The following MLPH variants were observed in gnomAD, a reference collection of about 807,000 sequenced individuals.
The protein encoded by MLPH is melanophilin.
MLPH carries 51 observed loss-of-function variants against 72.1 expected under a neutral mutation model. The ratio of observed to expected loss-of-function variants is 0.71; its 90% CI spans 0.56 to 0.89. The LOEUF (loss-of-function observed/expected upper bound fraction) is 0.89. Ranked by LOEUF, MLPH falls within the 40% of genes least tolerant of loss-of-function variation. The pLI is 0.00. For missense variants in MLPH, 743 were observed against 759.9 expected (o/e 0.98, Z 0.26); for synonymous variants, 301 against 310.1 (o/e 0.97, Z 0.31).
At chr2:237,553,051 G>T (rs1311904515) in intron 15 of MLPH, 1 of 463,884 alleles carries the variant, frequency 2.2e-6, no homozygotes, top group Non-Finnish European at 4.5e-6. Context: ...GAGTTTAAGT[G>T]CCCTCCAGAG....
In MLPH at chr2:237,510,151, C is replaced by T. The variant is rs940713176; in HGVS notation, c.111-423C>T. 21 of 297,704 alleles carry T rather than the reference C, an allele frequency of 7.1e-5. No individual in the cohort carries two copies. Among genetic ancestry groups the T allele is most frequent in the Admixed American group, 2.4e-4 (5 of 21,146 alleles). 18.4% of individuals were successfully genotyped at this position (297,704 alleles called of 1,614,324 possible). A position where few individuals can be genotyped will look rare whatever the true frequency, so the allele number is the denominator to read the frequency against. On this transcript the variant is annotated intron_variant, in intron 2 of 15. Coordinates refer to ENST00000264605, the MANE Select transcript of MLPH (RefSeq NM_024101.7). This position sits in a 1 kb window ranked among gnomAD's most constrained non-coding sequence, Gnocchi z 4.4. ...GCGCTCTAGAGGAGCAAACCTGGGG[C>T]GTTAGCTCAACTCTTGCCCCCCTGC...
intron 1 of MLPH, among the ~76,000 whole-genome samples, chr2:237,491,333 G>C (rs2079424934): frequency 6.6e-6 from 1 of 152,172 alleles, no homozygotes; most frequent in South Asian, 2.1e-4. Flanking sequence ...GAAATTACGA[G>C]GTGGTTTTTA....
intron 7 of MLPH, 124 bp downstream of exon 7, chr2:237,525,929 CG>C: frequency 1.0e-6 from 1 of 969,148 alleles, no homozygotes; most frequent in Non-Finnish European, 1.6e-6. Context: ...CTTCCTTTGG[CG>C]TGATTGTCCG....
intron 6 of MLPH, among the ~76,000 whole-genome samples, chr2:237,525,191 A>G (rs1422108606): frequency 1.3e-5 from 2 of 152,186 alleles, no homozygotes; most frequent in East Asian, 1.9e-4. Context: ...ATCTTCAAAG[A>G]TTAAGGTGTA....
In MLPH at chr2:237,519,805, C is replaced by T. The variant is rs111245414; in HGVS notation, c.556-105C>T. 9.2e-4 allele frequency: 1,421 copies of T among 1,540,226 alleles called. 15 individuals carry two copies. In the African/African-American group the frequency reaches 0.017, roughly 19 times the overall value. ...GATGTGCTGGGAGAGGAGCCTGCCCCGCCCCTCTGGGGGCTGAGTGTGGGG... is the reference window on the plus strand; with the variant it reads ...GATGTGCTGGGAGAGGAGCCTGCCCTGCCCCTCTGGGGGCTGAGTGTGGGG... On this transcript the variant is annotated intron_variant, in intron 5 of 15. Coordinates refer to ENST00000264605, the MANE Select transcript of MLPH (RefSeq NM_024101.7).
At position 237,512,920 on chromosome 2, in the gene MLPH, G is replaced by A. The variant is rs540899165; in HGVS notation, c.445+1819G>A. ...CTGACTTCAAAATCATCACCACCAAGGGGCCAGGAGGTGGCGCTGTGGGGC... is the reference window on the plus strand; with the variant it reads ...CTGACTTCAAAATCATCACCACCAAAGGGCCAGGAGGTGGCGCTGTGGGGC... On this transcript the variant is annotated intron_variant, in intron 4 of 15. Transcript: ENST00000264605. The surrounding 1 kb of genome is among the most constrained non-coding windows in gnomAD (Gnocchi z 5.5). Among the ~76,000 whole-genome samples, 2 of 143,728 alleles carry A rather than the reference G, an allele frequency of 1.4e-5. No individual in the cohort carries two copies. The highest frequency in any genetic ancestry group is 4.1e-4 in the East Asian group (2 of 4,936). The allele number at this position is 143,728 out of a possible 152,430, so 94.3% of individuals were successfully genotyped here. A position where few individuals can be genotyped will look rare whatever the true frequency, so the allele number is the denominator to read the frequency against.
intron 4 of MLPH, among the ~76,000 whole-genome samples, chr2:237,516,383 G>A (rs575762565): frequency 6.6e-6 from 1 of 152,190 alleles, no homozygotes; most frequent in East Asian, 1.9e-4. Flanking sequence ...AAGGAGCCCT[G>A]GGGGGCAGAG....
chr2:237,492,949 G>A (rs754581016), intron 1 of MLPH, among the ~76,000 whole-genome samples: 4 of 152,232 alleles, frequency 2.6e-5, no homozygotes, highest in Non-Finnish European at 5.9e-5. Flanking sequence ...GAGACTCTGA[G>A]CTGACTATGA....
At chr2:237,540,322 C>A (rs745568343) in intron 9 of MLPH, 26 bp from the exon 10 acceptor site, 1 of 1,612,548 alleles carries the variant, frequency 6.2e-7, no homozygotes, top group Non-Finnish European at 8.5e-7. Context: ...CTAGCCGAAT[C>A]CAAATCCACT....
In MLPH at chr2:237,534,565, T is replaced by C; in HGVS notation, c.1022T>C (p.Ile341Thr). 6.2e-7 allele frequency: 1 copy of C among 1,613,222 alleles called. No homozygotes were observed. The highest frequency in any genetic ancestry group is 8.5e-7 in the Non-Finnish European group (1 of 1,179,396). Reference sequence around the variant, plus strand: ...ACTGTTTCTCTCCTTCTGCTGCAGATCTTTGAGCTGAATAAGCATATTTCA... The same window carrying C: ...ACTGTTTCTCTCCTTCTGCTGCAGACCTTTGAGCTGAATAAGCATATTTCA... ...RRGRASSESQ[I>T]FELNKHISAV... The change falls in exon 9 of 16, where the codon ATC (isoleucine) becomes ACC (threonine). Residue 341 changes from isoleucine (I) to threonine (T), a missense_variant and splice_region_variant. Ile to Thr is a moderately conservative substitution (Grantham distance 89, BLOSUM62 -1). Transcript: ENST00000264605.
At chr2:237,497,661 G>A (rs1409324444) in intron 2 of MLPH, among the ~76,000 whole-genome samples, 4 of 152,036 alleles carry the variant, frequency 2.6e-5, no homozygotes, top group Non-Finnish European at 4.4e-5. Context: ...AGGAGCTGGC[G>A]AAAATACCAG....
intron 14 of MLPH, 50 bp downstream of exon 14, chr2:237,549,328 G>A (rs370376203): frequency 6.0e-5 from 91 of 1,527,594 alleles, no homozygotes; most frequent in East Asian, 9.0e-5. Context: ...AATGAGCTTC[G>A]GGGAGGAAAA....
rs1350421490 is a variant in MLPH, at chr2:237,501,663, CTAAAA to C, written c.110+8128_110+8132del. ...CTAACATAGTGAAACCACGTCTCTA[CTAAAA>C]AAAAAAAAAAAAAAAAAAAAATACA... is the stretch of plus-strand genomic sequence containing the variant. On this transcript the variant is annotated intron_variant, in intron 2 of 15. Transcript: ENST00000264605. 4.8e-4 allele frequency among the ~76,000 whole-genome samples: 49 copies of C among 101,670 alleles called. 1 individual carries two copies. Among genetic ancestry groups the C allele is most frequent in the African/African-American group, 1.6e-3 (45 of 28,882 alleles). 66.7% of individuals were successfully genotyped at this position (101,670 alleles called of 152,430 possible).
intron 8 of MLPH, among the ~76,000 whole-genome samples, chr2:237,531,423 G>A (rs1413718468): frequency 1.3e-5 from 2 of 151,660 alleles, no homozygotes; most frequent in African/African-American, 4.9e-5. Flanking sequence ...ATCCTTGGCT[G>A]GCTGAGCATC....
chr2:237,489,409 G>A (rs960717897), intron 1 of MLPH, among the ~76,000 whole-genome samples: 1 of 152,190 alleles, frequency 6.6e-6, no homozygotes, highest in Non-Finnish European at 1.5e-5. Context: ...AGATGTGCCT[G>A]GTTCACTTGT....
At chr2:237,530,966 C>A (rs4663259) in intron 8 of MLPH, among the ~76,000 whole-genome samples, 5 of 152,222 alleles carry the variant, frequency 3.3e-5, no homozygotes, top group African/African-American at 7.2e-5. Context: ...ACACACAAGT[C>A]GAGCAGAGCC....
Position 237,493,383 on chromosome 2 carries a change from GT to G in MLPH, c.-24-19del. 1 of 1,505,922 alleles carries G rather than the reference GT, an allele frequency of 6.6e-7. No homozygotes were observed. The highest frequency in any genetic ancestry group is 9.2e-7 in the Non-Finnish European group (1 of 1,081,884). 93.3% of individuals were successfully genotyped at this position (1,505,922 alleles called of 1,614,324 possible). A position where few individuals can be genotyped will look rare whatever the true frequency, so the allele number is the denominator to read the frequency against. The stretch of plus-strand genomic sequence containing the variant: ...GGTAGGCTTCTGGGACTGATGACTT[GT>G]GATCCTGTGACATTCCAGGTGTGAC... On this transcript the variant is annotated intron_variant, in intron 1 of 15. Coordinates refer to ENST00000264605, the MANE Select transcript of MLPH (RefSeq NM_024101.7).
intron 2 of MLPH, among the ~76,000 whole-genome samples, chr2:237,507,963 A>C (rs2079811489): frequency 6.6e-6 from 1 of 152,178 alleles, no homozygotes; most frequent in Admixed American, 6.5e-5. Context: ...TGTCACCTTC[A>C]ACACGTGGCA....
rs1308684158 is a variant in MLPH, at chr2:237,525,807, T to G, written c.880+2T>G. The G allele has an allele frequency of 6.2e-7, 1 of 1,610,912 alleles. No homozygotes were observed. Among genetic ancestry groups the G allele is most frequent in the Admixed American group, 1.7e-5 (1 of 60,008 alleles). Reference sequence around the variant, plus strand: ...CCCTGGGGACTGCTGCTGCACTCGGTAGGTGCCCTTGGCCAGGGTCTTCCT... The same window carrying G: ...CCCTGGGGACTGCTGCTGCACTCGGGAGGTGCCCTTGGCCAGGGTCTTCCT... On this transcript the variant is annotated splice_donor_variant, in intron 7 of 15. Transcript: ENST00000264605. LOFTEE classifies it high-confidence loss of function.
Sources: allele counts gnomAD v4.1 joint callset (sites outside exome capture counted in the v4.1 genomes callset), GRCh38; gene constraint gnomAD v4.1.1; non-coding constraint Gnocchi (gnomAD v3.1); transcripts MANE v1.5; gene names NCBI Gene and HGNC (gene_info 2026-07-23, HGNC 2026-07-21).